Variants in PROX2 observed in about 807,000 individuals in gnomAD.
The protein encoded by PROX2 is prospero homeobox protein 2.
Under a neutral mutation model 48.9 loss-of-function variants are expected in PROX2, and 46 were observed. The observed-to-expected ratio is 0.94, with a 90% CI of 0.74 to 1.20. The LOEUF (loss-of-function observed/expected upper bound fraction) is 1.20. Ranked by LOEUF, PROX2 falls within the 50% of genes most tolerant of loss-of-function variation. The probability of loss-of-function intolerance (pLI) is 0.00; values close to 1 mark genes in which losing one functional copy is unlikely to be tolerated. For synonymous variants in PROX2, 260 were observed against 276.6 expected, an observed-to-expected ratio of 0.94 and a Z score of 0.60; for missense variants, 663 against 719.4, an observed-to-expected ratio of 0.92 and a Z score of 0.90.
At chr14:74,872,074 C>T (rs1161633204) in intron 1 of PROX2, 2 of 152,200 alleles carry the variant, frequency 1.3e-5, no homozygotes, top group Non-Finnish European at 2.9e-5. Flanking sequence ...GTGATGTGTA[C>T]ACATTTAGGG....
intron 1 of PROX2, among the ~76,000 whole-genome samples, chr14:74,873,049 T>C (rs1883252723): frequency 6.6e-6 from 1 of 152,152 alleles, no homozygotes; most frequent in African/African-American, 2.4e-5. Flanking sequence ...GCAGTGGCGA[T>C]CTTGGCTCAC....
Position 74,863,284 on chromosome 14 carries a change from CG to C in PROX2, c.550del (p.Arg184AlafsTer40). 6.2e-7 allele frequency: 1 copy of C among 1,613,932 alleles called. No individual in the cohort carries two copies. Among genetic ancestry groups the C allele is most frequent in the Non-Finnish European group, 8.5e-7 (1 of 1,179,852 alleles). ...GTGGTCACCGTCCACAACCCAGGGG[CG>C]AGGCCCACAGCCATTCCCCTGCTTT... ...SAKQGNGCGP[R>X]PWVVDGDHQQ... On this transcript the variant is annotated frameshift_variant, in exon 3 of 6. Coordinates refer to ENST00000556489, the MANE Select transcript of PROX2 (RefSeq NM_001243007.2). LOFTEE classifies it high-confidence loss of function.
intron 2 of PROX2, among the ~76,000 whole-genome samples, chr14:74,870,084 A>G (rs2140173580): frequency 6.6e-6 from 1 of 151,982 alleles, no homozygotes; most frequent in Non-Finnish European, 1.5e-5. Flanking sequence ...ACATTATTTT[A>G]TAAAACTGGA....
rs1883331081 is a variant in PROX2 at position 74,875,875 on chromosome 14, G to C, written c.-310+20C>G. ...AAAAAGTACTCTGGCAAGGTAAATGGAAAGGATGATGTTACTCACAGGGAA... is the reference window on the plus strand; with the variant it reads ...AAAAAGTACTCTGGCAAGGTAAATGCAAAGGATGATGTTACTCACAGGGAA... On this transcript the variant is annotated intron_variant, in intron 1 of 5. Coordinates refer to ENST00000556489, the MANE Select transcript of PROX2 (RefSeq NM_001243007.2). Among the ~76,000 whole-genome samples the C allele has an allele frequency of 6.6e-6, 1 of 152,228 alleles. No individual in the cohort carries two copies. Among genetic ancestry groups the C allele is most frequent in the Non-Finnish European group, 1.5e-5 (1 of 68,042 alleles).
At position 74,855,025 on chromosome 14, in the gene PROX2, T is replaced by C; in HGVS notation, c.*107A>G. The C allele has an allele frequency of 1.6e-6, 1 of 643,652 alleles. No homozygotes were observed. Among genetic ancestry groups the C allele is most frequent in the Non-Finnish European group, 2.4e-6 (1 of 411,348 alleles). 39.9% of individuals were successfully genotyped at this position (643,652 alleles called of 1,614,324 possible). Reference sequence around the variant, plus strand: ...TAGTACCTGTTTTGATAGAGGAGATTTCCTTGTGCCCTTTTTATATGACTA... The same window carrying C: ...TAGTACCTGTTTTGATAGAGGAGATCTCCTTGTGCCCTTTTTATATGACTA... On this transcript the variant is annotated 3_prime_UTR_variant, in exon 6 of 6. Coordinates refer to ENST00000556489, the MANE Select transcript of PROX2 (RefSeq NM_001243007.2).
At chr14:74,860,283 T>C (rs1482906852) in intron 3 of PROX2, among the ~76,000 whole-genome samples, 2 of 152,192 alleles carry the variant, frequency 1.3e-5, no homozygotes, top group Non-Finnish European at 1.5e-5. Flanking sequence ...ATCCAATACA[T>C]TAACATTTCT....
chr14:74,864,559 C>G (rs186790048), intron 2 of PROX2, among the ~76,000 whole-genome samples: 1 of 152,170 alleles, frequency 6.6e-6, no homozygotes, highest in African/African-American at 2.4e-5. Context: ...ATAGCAAATT[C>G]GGCAGGGTGC....
intron 5 of PROX2, 67 bp from the exon 6 acceptor site, chr14:74,855,369 C>T: frequency 1.5e-6 from 2 of 1,335,742 alleles, no homozygotes; most frequent in Non-Finnish European, 2.0e-6. Flanking sequence ...TGCCAGAGCC[C>T]TCACTAGCGG....
chr14:74,862,975 G>A lies in PROX2; in HGVS notation c.860C>T (p.Ala287Val), dbSNP rs778045870. The A allele has an allele frequency of 1.9e-6, 3 of 1,613,858 alleles. No homozygotes were observed. Among genetic ancestry groups the A allele is most frequent in the African/African-American group, 1.3e-5 (1 of 74,914 alleles). The change falls in exon 3 of 6, where the codon GCC (alanine) becomes GTC (valine). Residue 287 changes from alanine to valine, a missense_variant. Physicochemically the swap from Ala to Val is moderately conservative, Grantham distance 64. Coordinates refer to ENST00000556489, the MANE Select transcript of PROX2 (RefSeq NM_001243007.2). ...TTGTAGCTGGACCCTCCTGGGCAAG[G>A]CAGCCAAAGCAAGTGGATCTTTACA... The part of the protein sequence containing the change: ...GACKDPLALA[A>V]LPRRVQLQAG...
At chr14:74,858,604 T>A (rs1375325383) in intron 3 of PROX2, 90 bp from the exon 4 acceptor site, 1 of 739,670 alleles carries the variant, frequency 1.4e-6, no homozygotes, top group African/African-American at 1.8e-5. Context: ...TCTATTTGAT[T>A]TCATTTTGTT....
In PROX2 at chr14:74,863,314, C is replaced by T. The variant is rs1433153222; in HGVS notation, c.521G>A (p.Ser174Asn). Reference protein sequence around the residue: ...GGCGTGKGPLSAKQGNGCGPR... With the variant: ...GGCGTGKGPLNAKQGNGCGPR... ...CCCACAGCCATTCCCCTGCTTTGCA[C>T]TCAGAGGGCCTTTCCCCGTGCCACA... Residue 174 changes from serine (S) to asparagine (N), a missense_variant, in exon 3 of 6, where the codon AGT becomes AAT. Coordinates refer to ENST00000556489, the MANE Select transcript of PROX2 (RefSeq NM_001243007.2). 1.5e-5 allele frequency: 24 copies of T among 1,613,960 alleles called. No homozygotes were observed. Among genetic ancestry groups the T allele is most frequent in the Non-Finnish European group, 2.0e-5 (24 of 1,179,910 alleles).
intron 1 of PROX2, among the ~76,000 whole-genome samples, chr14:74,873,111 G>A (rs1266752301): frequency 1.3e-5 from 2 of 152,248 alleles, no homozygotes; most frequent in East Asian, 1.9e-4. Flanking sequence ...AGCCTCCCGA[G>A]TAGCTGGGAC....
chr14:74,868,361 A>ATATATATAT (rs71119334), intron 2 of PROX2, among the ~76,000 whole-genome samples: 1 of 126,136 alleles, frequency 7.9e-6, no homozygotes. Context: ...ATATATATAT[A>ATATATATAT]AACAAAAATG....
chr14:74,857,092 G>T, intron 4 of PROX2, 97 bp from the exon 5 acceptor site: 1 of 919,870 alleles, frequency 1.1e-6, no homozygotes, highest in Non-Finnish European at 1.7e-6. Context: ...TTCATATACG[G>T]CTTTAACCAG....
intron 4 of PROX2, 194 bp downstream of exon 4, chr14:74,858,213 C>T (rs1441828359): frequency 2.1e-6 from 1 of 482,694 alleles, no homozygotes; most frequent in Non-Finnish European, 3.7e-6. Flanking sequence ...TTTAGACAGC[C>T]AGCCTTTCTA....
intron 1 of PROX2, among the ~76,000 whole-genome samples, chr14:74,872,655 G>A (rs1016872539): frequency 3.9e-5 from 6 of 152,170 alleles, no homozygotes; most frequent in African/African-American, 1.2e-4. Context: ...GTCACATAGC[G>A]TTTTTATGCT....
rs1317143605 is a variant in PROX2 at position 74,854,580 on chromosome 14, G to A, written c.*552C>T. ...CTTGCAGTTCTAAAGCTTCTGTTTGGTCATCTTTTAAATGATGATAATAAC... is the reference window on the plus strand; with the variant it reads ...CTTGCAGTTCTAAAGCTTCTGTTTGATCATCTTTTAAATGATGATAATAAC... On this transcript the variant is annotated 3_prime_UTR_variant, in exon 6 of 6. Coordinates refer to ENST00000556489, the MANE Select transcript of PROX2 (RefSeq NM_001243007.2). 1 of 153,460 alleles carries A rather than the reference G, an allele frequency of 6.5e-6. No individual in the cohort carries two copies. The highest frequency in any genetic ancestry group is 2.4e-5 in the African/African-American group (1 of 41,426). 9.5% of individuals were successfully genotyped at this position (153,460 alleles called of 1,614,324 possible).
chr14:74,869,344 T>C (rs1883155635), intron 2 of PROX2, among the ~76,000 whole-genome samples: 2 of 151,916 alleles, frequency 1.3e-5, no homozygotes, highest in Admixed American at 6.6e-5. Flanking sequence ...AGTGGCGTGA[T>C]CTCGGCTCAC....
In PROX2 at chr14:74,873,186, T is replaced by C. The variant is rs913257320; in HGVS notation, c.-309-1949A>G. Among the ~76,000 whole-genome samples, 19 of 152,252 alleles carry C rather than the reference T, an allele frequency of 1.2e-4. No homozygotes were observed. In the Middle Eastern group the frequency reaches 0.01, roughly 82 times the overall value. ...TTTTAGTAGAGGCGGGGTTTCACCATGTTAGCCAGGATGGTCTCAATCTCC... is the reference window on the plus strand; with the variant it reads ...TTTTAGTAGAGGCGGGGTTTCACCACGTTAGCCAGGATGGTCTCAATCTCC... On this transcript the variant is annotated intron_variant, in intron 1 of 5. Transcript: ENST00000556489.
Sources: gnomAD v4.1 joint callset for allele counts (sites outside exome capture counted in the v4.1 genomes callset) on GRCh38, gnomAD v4.1.1 for gene constraint, MANE v1.5 for transcripts, NCBI Gene and HGNC (gene_info 2026-07-23, HGNC 2026-07-21) for gene names.